The following SLC2A9 variants were observed in gnomAD, a reference collection of about 807,000 sequenced individuals.
SLC2A9 encodes the protein solute carrier family 2 member 9.
SLC2A9 carries 39 observed loss-of-function variants against 50.6 expected under a neutral mutation model. That is an observed-to-expected ratio of 0.77 (90% confidence interval 0.60 to 1.01). The LOEUF (loss-of-function observed/expected upper bound fraction) is 1.01. Ranked by LOEUF, SLC2A9 falls within the 50% of genes least tolerant of loss-of-function variation. The pLI is 0.00. For missense variants in SLC2A9, 686 were observed against 677.6 expected, an observed-to-expected ratio of 1.01 and a Z score of -0.14; for synonymous variants, 324 against 276.9, an observed-to-expected ratio of 1.17 and a Z score of -1.69.
In SLC2A9 at chr4:9,806,806, C is replaced by T. The variant is rs866623305; in HGVS notation, n.421-7565G>A. 1.5e-3 allele frequency among the ~76,000 whole-genome samples: 230 copies of T among 152,320 alleles called. 1 individual carries two copies. Among genetic ancestry groups the T allele is most frequent in the African/African-American group, 5.1e-3 (214 of 41,580 alleles). The stretch of plus-strand genomic sequence containing the variant: ...TTTAGGCTGGAAAAATGGCTTTCTG[C>T]TGCCTGGCTCTCAGTGCCTGTGACA... On this transcript the variant is annotated intron_variant and non_coding_transcript_variant, in intron 3 of 3. Coordinates refer to the SLC2A9 transcript ENST00000503280.
At chr4:9,881,557 T>C (rs534867559) in intron 10 of SLC2A9, among the ~76,000 whole-genome samples, 41 of 152,318 alleles carry the variant, frequency 2.7e-4, no homozygotes, top group Non-Finnish European at 4.9e-4. Flanking sequence ...AAAGAAAATA[T>C]ATTAGGCTTT....
intron 3 of SLC2A9, among the ~76,000 whole-genome samples, chr4:9,788,328 C>T (rs1187292941): frequency 6.6e-6 from 1 of 150,590 alleles, no homozygotes; most frequent in Non-Finnish European, 1.5e-5. Flanking sequence ...TAGCTGGGAC[C>T]AAAGTCATAT....
chr4:9,870,757 G>A (rs1484207135), intron 10 of SLC2A9, among the ~76,000 whole-genome samples: 1 of 152,206 alleles, frequency 6.6e-6, no homozygotes, highest in Admixed American at 6.5e-5. Context: ...TTCAAATCCT[G>A]GCTGGGCCAC....
At chr4:9,919,395 G>C (rs1379334403) in intron 7 of SLC2A9, among the ~76,000 whole-genome samples, 1 of 152,130 alleles carries the variant, frequency 6.6e-6, no homozygotes, top group African/African-American at 2.4e-5. Context: ...GAAAGGAGGT[G>C]GAACAACACT....
intron 7 of SLC2A9, among the ~76,000 whole-genome samples, chr4:9,911,287 G>A (rs1015284664): frequency 6.6e-6 from 1 of 152,042 alleles, no homozygotes; most frequent in African/African-American, 2.4e-5. Flanking sequence ...GTCTGCCCCG[G>A]GGCAGACCTG....
chr4:9,806,404 C>T (rs764676311), intron 3 of SLC2A9, among the ~76,000 whole-genome samples: 1 of 152,244 alleles, frequency 6.6e-6, no homozygotes, highest in Non-Finnish European at 1.5e-5. Context: ...ATAAGGAATA[C>T]TTTTTATTAA....
chr4:10,020,878 GT>G (rs1364516912), intron 1 of SLC2A9, among the ~76,000 whole-genome samples: 2 of 152,230 alleles, frequency 1.3e-5, no homozygotes, highest in Non-Finnish European at 2.9e-5. Context: ...CCCCCTGCCT[GT>G]GTGGCCCGCC....
intron 11 of SLC2A9, among the ~76,000 whole-genome samples, chr4:9,832,371 AT>A (rs772198787): frequency 1.3e-5 from 2 of 152,180 alleles, no homozygotes; most frequent in African/African-American, 2.4e-5. Flanking sequence ...CGGAAAGGAA[AT>A]TAACCGTGGG....
At chr4:9,937,319 G>A (rs948022861) in intron 6 of SLC2A9, among the ~76,000 whole-genome samples, 7 of 152,072 alleles carry the variant, frequency 4.6e-5, no homozygotes, top group Admixed American at 3.3e-4. Flanking sequence ...TTGGCCCTTG[G>A]GTTTTCTGTA....
chr4:10,012,824 A>G (rs1429551929), intron 2 of SLC2A9, among the ~76,000 whole-genome samples: 2 of 152,078 alleles, frequency 1.3e-5, no homozygotes, highest in African/African-American at 4.8e-5. Flanking sequence ...GGGGGAAATG[A>G]TGATGACAGA....
chr4:10,013,374 T>C (rs1372211087), intron 2 of SLC2A9, among the ~76,000 whole-genome samples: 1 of 152,142 alleles, frequency 6.6e-6, no homozygotes, highest in Non-Finnish European at 1.5e-5. Flanking sequence ...GCATGAAAAG[T>C]AGTCAGATCC....
intron 10 of SLC2A9, among the ~76,000 whole-genome samples, chr4:9,847,071 C>T (rs990557175): frequency 6.6e-6 from 1 of 152,198 alleles, no homozygotes; most frequent in Admixed American, 6.5e-5. Flanking sequence ...GTTCCTGCCT[C>T]TTAGGTCTGT....
At chr4:9,905,108 G>A (rs183982870) in intron 8 of SLC2A9, among the ~76,000 whole-genome samples, 12 of 152,304 alleles carry the variant, frequency 7.9e-5, no homozygotes, top group Admixed American at 6.5e-4. Flanking sequence ...TCACGGCAAC[G>A]TCACCTGTGA....
intron 5 of SLC2A9, among the ~76,000 whole-genome samples, chr4:9,950,988 TG>T (rs1466807916): frequency 6.6e-6 from 1 of 151,854 alleles, no homozygotes; most frequent in African/African-American, 2.4e-5. Flanking sequence ...ATCTCACCTC[TG>T]GGTACTACTC....
intron 2 of SLC2A9, among the ~76,000 whole-genome samples, chr4:9,997,752 C>T (rs1480998873): frequency 6.7e-6 from 1 of 149,656 alleles, no homozygotes; most frequent in African/African-American, 2.5e-5. Flanking sequence ...GGCAAAAATG[C>T]AACACACACA....
At chr4:9,799,903 G>C (rs1408699999) in intron 3 of SLC2A9, among the ~76,000 whole-genome samples, 1 of 152,140 alleles carries the variant, frequency 6.6e-6, no homozygotes, top group Non-Finnish European at 1.5e-5. Flanking sequence ...TTATGCAGTG[G>C]TGAAATATTT....
rs1019079446 is a variant in SLC2A9 at position 9,843,619 on chromosome 4, C to T, written c.1292-8611G>A. On this transcript the variant is annotated intron_variant, in intron 10 of 11. Transcript: ENST00000264784. ...ATGTGACCTTGGGCACATTAGTTCA[C>T]CTTTCTGGCTCGACTTTCCTCCTCT... Among the ~76,000 whole-genome samples, 37 of 152,142 alleles carry T rather than the reference C, an allele frequency of 2.4e-4. 1 individual carries two copies. Among genetic ancestry groups the T allele is most frequent in the African/African-American group, 8.2e-4 (34 of 41,432 alleles).
chr4:9,894,462 TTGTC>T (rs1019549731), intron 8 of SLC2A9, among the ~76,000 whole-genome samples: 14 of 152,332 alleles, frequency 9.2e-5, no homozygotes, highest in African/African-American at 2.9e-4. Flanking sequence ...ATTATTTTAT[TTGTC>T]TGTCAGTTTT....
chr4:9,803,140 T>G (rs1234464468), intron 3 of SLC2A9, among the ~76,000 whole-genome samples: 1 of 152,236 alleles, frequency 6.6e-6, no homozygotes, highest in Non-Finnish European at 1.5e-5. Flanking sequence ...CACTTAGCCT[T>G]TGTAGGTTTC....
Sources: gnomAD v4.1 joint callset for allele counts (sites outside exome capture counted in the v4.1 genomes callset) on GRCh38, gnomAD v4.1.1 for gene constraint, MANE v1.5 for transcripts, NCBI Gene and HGNC (gene_info 2026-07-23, HGNC 2026-07-21) for gene names.